TENM2: variants seen among roughly 807,000 people sequenced by gnomAD.
The protein encoded by TENM2 is teneurin transmembrane protein 2, also known as teneurin-2.
A neutral mutation model predicts 245.2 loss-of-function variants in TENM2; 52 were observed. The observed-to-expected ratio is 0.21, with a 90% CI of 0.17 to 0.27. TENM2 has a LOEUF of 0.27. Among genes scored for constraint, TENM2 ranks in the 10% least tolerant of loss-of-function variants. The pLI is 1.00. For missense variants in TENM2, 3,046 were observed against 3,666.8 expected (o/e 0.83, Z 4.37); for synonymous variants, 1,363 against 1,438.9 (o/e 0.95, Z 1.19).
chr5:167,846,382 G>A (rs1316715863), intron 2 of TENM2, among the ~76,000 whole-genome samples: 1 of 152,210 alleles, frequency 6.6e-6, no homozygotes, highest in Non-Finnish European at 1.5e-5. Context: ...CCATCTGCAT[G>A]AATTCACTGT....
At chr5:167,193,724 G>T in the TENM2 span, among the ~76,000 whole-genome samples, 1 of 151,778 alleles carries the variant, frequency 6.6e-6, no homozygotes, top group Non-Finnish European at 1.5e-5. Context: ...GATCTTGTCG[G>T]TCAGCTTTTG....
chr5:167,911,481 C>G (rs564067536), intron 3 of TENM2, among the ~76,000 whole-genome samples: 90 of 152,306 alleles, frequency 5.9e-4, no homozygotes, highest in Non-Finnish European at 8.2e-4. Flanking sequence ...GAGCCGAGAT[C>G]GCGCCACTGC....
At chr5:167,603,729 G>A (rs1776817120) in intron 2 of TENM2, among the ~76,000 whole-genome samples, 1 of 152,164 alleles carries the variant, frequency 6.6e-6, no homozygotes, top group Non-Finnish European at 1.5e-5. Flanking sequence ...GAATCAGTTT[G>A]AGGAATAGCA....
the TENM2 span, among the ~76,000 whole-genome samples, chr5:167,019,435 T>C: frequency 6.6e-6 from 1 of 152,142 alleles, no homozygotes; most frequent in Non-Finnish European, 1.5e-5. Context: ...AGGTAAAACA[T>C]AGCACAAGCT....
At chr5:167,882,597 G>A (rs186716872) in intron 3 of TENM2, among the ~76,000 whole-genome samples, 40 of 152,292 alleles carry the variant, frequency 2.6e-4, no homozygotes, top group South Asian at 1.7e-3. Context: ...CAATCATGGC[G>A]GAAGGTGAAG....
At chr5:167,630,620 G>C (rs1264998494) in intron 2 of TENM2, among the ~76,000 whole-genome samples, 2 of 152,158 alleles carry the variant, frequency 1.3e-5, no homozygotes, top group African/African-American at 4.8e-5. Context: ...GCAATATATG[G>C]TGATTTTTAT....
rs116819929 is a variant in TENM2, at chr5:167,770,348, G to A, written c.503-105638G>A. On this transcript the variant is annotated intron_variant, in intron 2 of 28. Coordinates refer to ENST00000518659, the Ensembl canonical transcript of TENM2. The stretch of plus-strand genomic sequence containing the variant: ...AGACAGGTGGCAAGTTAGACAAGTG[G>A]GGAACAAGGAGAAGTTACGGATGGC... Among the ~76,000 whole-genome samples the A allele has an allele frequency of 6.2e-3, 947 of 152,212 alleles. 11 individuals are homozygous for A. The highest frequency in any genetic ancestry group is 0.022 in the African/African-American group (907 of 41,526).
At chr5:167,963,786 C>CT (rs139096535) in intron 4 of TENM2, among the ~76,000 whole-genome samples, 93 of 149,680 alleles carry the variant, frequency 6.2e-4, no homozygotes, top group African/African-American at 1.4e-3. Context: ...AACTATGCTG[C>CT]TTTTTTTTTT....
At chr5:167,992,125 G>A (rs990720941) in intron 4 of TENM2, among the ~76,000 whole-genome samples, 4 of 152,084 alleles carry the variant, frequency 2.6e-5, no homozygotes, top group South Asian at 2.1e-4. Context: ...TGGAAGGAAC[G>A]GTGGAGGGGG....
intron 2 of TENM2, among the ~76,000 whole-genome samples, chr5:167,388,969 T>A (rs1344354526): frequency 6.6e-6 from 1 of 152,006 alleles, no homozygotes; most frequent in African/African-American, 2.4e-5. Context: ...ATTTATCAGG[T>A]CCTATAGAAT....
intron 2 of TENM2, among the ~76,000 whole-genome samples, chr5:167,802,566 G>A (rs991429350): frequency 3.3e-5 from 5 of 152,112 alleles, no homozygotes; most frequent in East Asian, 3.9e-4. Flanking sequence ...GGAATGAATC[G>A]AGCTTGAAAC....
At chr5:167,372,773 C>A (rs1041995191) in intron 1 of TENM2, among the ~76,000 whole-genome samples, 1 of 152,160 alleles carries the variant, frequency 6.6e-6, no homozygotes, top group African/African-American at 2.4e-5. Context: ...TATCAAATGA[C>A]TTTTTTTCAA....
rs191241405 is a variant in TENM2 at position 168,248,265 on chromosome 5, T to C, written c.7326T>C (p.Tyr2442=). Residue 2442 remains tyrosine, a synonymous_variant, in exon 27 of 29, where the codon TAT becomes TAC. Coordinates refer to ENST00000518659, the Ensembl canonical transcript of TENM2. ...CAGGACGATGGACCTCCCCAGACTA[T>C]ACCATGTGGAAAAACGTGGGCAAGG... 50 of 1,614,024 alleles carry C rather than the reference T, an allele frequency of 3.1e-5. No homozygotes were observed. The East Asian group carries it at 7.4e-4, about 24-fold the overall frequency.
the TENM2 span, among the ~76,000 whole-genome samples, chr5:167,032,940 A>T: frequency 6.6e-6 from 1 of 152,204 alleles, no homozygotes; most frequent in African/African-American, 2.4e-5. Flanking sequence ...GTTCCCACAG[A>T]TAAAATTCTC....
intron 6 of TENM2, among the ~76,000 whole-genome samples, chr5:168,057,193 A>T (rs1789618548): frequency 6.6e-6 from 1 of 152,112 alleles, no homozygotes; most frequent in African/African-American, 2.4e-5. Context: ...AACAATATGG[A>T]TATCTTCTGT....
At chr5:167,418,751 G>A (rs1212048312) in intron 2 of TENM2, among the ~76,000 whole-genome samples, 1 of 152,150 alleles carries the variant, frequency 6.6e-6, no homozygotes, top group Non-Finnish European at 1.5e-5. Flanking sequence ...AAGAGGAAGA[G>A]TTCATTATTC....
intron 3 of TENM2, among the ~76,000 whole-genome samples, chr5:167,952,038 A>T (rs1158115364): frequency 1.3e-5 from 2 of 152,142 alleles, no homozygotes; most frequent in Non-Finnish European, 2.9e-5. Context: ...GATCAAATTG[A>T]CCTGGTGCTG....
the TENM2 span, among the ~76,000 whole-genome samples, chr5:167,146,362 G>T: frequency 6.6e-6 from 1 of 152,142 alleles, no homozygotes; most frequent in Non-Finnish European, 1.5e-5. Flanking sequence ...CCTGGGGAAA[G>T]TTCTATTTCA....
chr5:167,023,212 C>T, the TENM2 span, among the ~76,000 whole-genome samples: 1 of 152,178 alleles, frequency 6.6e-6, no homozygotes, highest in African/African-American at 2.4e-5. Flanking sequence ...TACTTGCATT[C>T]CCTTGCAACT....
Sources: gnomAD v4.1 joint callset for allele counts (sites outside exome capture counted in the v4.1 genomes callset) on GRCh38, gnomAD v4.1.1 for gene constraint, MANE v1.5 for transcripts, NCBI Gene and HGNC (gene_info 2026-07-23, HGNC 2026-07-21) for gene names.